POLR2F: variants seen among roughly 807,000 people sequenced by gnomAD.
POLR2F encodes the protein RNA polymerase II, I and III subunit F, also known as DNA-directed RNA polymerases I, II, and III subunit RPABC2.
A neutral mutation model predicts 22.7 loss-of-function variants in POLR2F; 12 were observed. The observed-to-expected ratio is 0.53, with a 90% CI of 0.34 to 0.86. POLR2F has a LOEUF of 0.86. POLR2F is among the 40% of genes least tolerant of loss of function. The pLI, the probability that POLR2F is intolerant of heterozygous loss-of-function variation, is 0.02. For missense variants in POLR2F, 126 were observed against 171.5 expected, an observed-to-expected ratio of 0.73 and a Z score of 1.48; for synonymous variants, 57 against 66.0, an observed-to-expected ratio of 0.86 and a Z score of 0.66.
At chr22:38,027,583 G>A (rs1282826990), downstream of POLR2F, among the ~76,000 whole-genome samples, 2 of 152,124 alleles carry the variant, frequency 1.3e-5, no homozygotes, top group African/African-American at 4.8e-5. Flanking sequence ...TGTGGGGCCT[G>A]TCACAGCTCC....
At chr22:37,973,502 C>T (rs778694073), downstream of POLR2F, 16 of 1,594,284 alleles carry the variant, frequency 1.0e-5, no homozygotes, top group Middle Eastern at 2.2e-4. Context: ...CCTTTAGGGC[C>T]GGGACAGTGT....
chr22:37,981,978 TCCTCCTGCACCTTCTACCACTCTAAG>T (rs1307159222), upstream of POLR2F, among the ~76,000 whole-genome samples: 4 of 152,098 alleles, frequency 2.6e-5, no homozygotes, highest in African/African-American at 9.7e-5. Context: ...CTCTTGGAGA[TCCTCCTGCACCTTCTACCACTCTAAG>T]CCTCTAGACC....
intron 1 of POLR2F, among the ~76,000 whole-genome samples, chr22:38,013,897 C>T (rs961775341): frequency 2.3e-4 from 35 of 151,734 alleles, no homozygotes; most frequent in Non-Finnish European, 1.8e-4. Flanking sequence ...CTGAGGCGGG[C>T]GGATCACCTG....
chr22:37,955,043 G>T (rs1241989389), intron 1 of POLR2F, among the ~76,000 whole-genome samples: 1 of 152,060 alleles, frequency 6.6e-6, no homozygotes. Flanking sequence ...CTTGGAAAGT[G>T]GTTTTGATGG....
chr22:37,986,059 T>A, upstream of POLR2F: 3 of 1,426,802 alleles, frequency 2.1e-6, no homozygotes, highest in Non-Finnish European at 1.8e-6. This position sits in a 1 kb window ranked among gnomAD's most constrained non-coding sequence, Gnocchi z 4.7. Context: ...AGACTCTTGT[T>A]CGGGGCCTTG....
In POLR2F at chr22:37,967,863, T is replaced by C; in HGVS notation, c.*148T>C. 1 of 1,415,618 alleles carries C rather than the reference T, an allele frequency of 7.1e-7. No individual in the cohort carries two copies. Among genetic ancestry groups the C allele is most frequent in the Non-Finnish European group, 9.2e-7 (1 of 1,088,408 alleles). 87.7% of individuals were successfully genotyped at this position (1,415,618 alleles called of 1,614,324 possible). Reference sequence around the variant, plus strand: ...TGTTGCTTCCCCGTTACCGCCATGCTGCGTGGAGCATGCACCTATTCCAGT... The same window carrying C: ...TGTTGCTTCCCCGTTACCGCCATGCCGCGTGGAGCATGCACCTATTCCAGT... On this transcript the variant is annotated 3_prime_UTR_variant, in exon 5 of 5. Coordinates refer to ENST00000442738, the MANE Select transcript of POLR2F (RefSeq NM_021974.5).
At chr22:38,014,529 T>C (rs536229575) in intron 1 of POLR2F, among the ~76,000 whole-genome samples, 1 of 151,030 alleles carries the variant, frequency 6.6e-6, no homozygotes, top group African/African-American at 2.4e-5. Flanking sequence ...TTTTTTTTTT[T>C]TTTGAGACGG....
In POLR2F at chr22:37,976,105, C is replaced by G. The variant is rs180806168; in HGVS notation, c.293+8935C>G. The stretch of plus-strand genomic sequence containing the variant: ...GGGTGTGGTGGCGTGCATCTGTAAT[C>G]CCAGCTACTTAGGAGGCTGAGGCAC... On this transcript the variant is annotated intron_variant, in intron 4 of 4. Coordinates refer to the POLR2F transcript ENST00000405557. Among the ~76,000 whole-genome samples the G allele has an allele frequency of 4.0e-4, 61 of 152,198 alleles. No individual in the cohort carries two copies. The East Asian group carries it at 9.3e-3, about 23-fold the overall frequency.
chr22:37,970,856 C>G, downstream of POLR2F: 1 of 217,382 alleles, frequency 4.6e-6, no homozygotes, highest in East Asian at 1.1e-4. Context: ...CTGCTTTTAT[C>G]TAAAACAAAA....
Position 37,959,410 on chromosome 22 carries a change from TCAC to T in POLR2F, c.159_161del (p.Thr54del). ...CGACCGCAGGCCAACCAGAAGCGAATCACCACACCATACATGACCAAGTACGAG... is the reference window on the plus strand; with the variant it reads ...CGACCGCAGGCCAACCAGAAGCGAATCACACCATACATGACCAAGTACGAG... On this transcript the variant is annotated inframe_deletion, in exon 3 of 5. Coordinates refer to ENST00000442738, the MANE Select transcript of POLR2F (RefSeq NM_021974.5). The T allele has an allele frequency of 2.5e-6, 4 of 1,614,128 alleles. No homozygotes were observed. The highest frequency in any genetic ancestry group is 3.4e-6 in the Non-Finnish European group (4 of 1,180,008).
At chr22:37,987,074 C>T in intron 1 of POLR2F, 1 of 456,716 alleles carries the variant, frequency 2.2e-6, no homozygotes, top group South Asian at 1.5e-5. Context: ...CCCATCACCT[C>T]TCTGTCCTGA....
chr22:38,007,083 G>A (rs2084828178), intron 1 of POLR2F, among the ~76,000 whole-genome samples: 1 of 152,174 alleles, frequency 6.6e-6, no homozygotes, highest in Admixed American at 6.5e-5. Flanking sequence ...TGTGGCTAAG[G>A]TTGCCTGTGG....
chr22:38,001,634 G>A (rs888698653), intron 1 of POLR2F, among the ~76,000 whole-genome samples: 56 of 152,122 alleles, frequency 3.7e-4, no homozygotes, highest in African/African-American at 1.3e-3. Flanking sequence ...CCAGGTTCAA[G>A]CGATTCTCCT....
intron 1 of POLR2F, among the ~76,000 whole-genome samples, chr22:38,013,653 T>C (rs1020705363): frequency 2.0e-5 from 3 of 152,202 alleles, no homozygotes; most frequent in African/African-American, 7.2e-5. Context: ...AAAAACACCA[T>C]TACACAAAGT....
chr22:38,010,602 G>GGT (rs1382349551), intron 1 of POLR2F, among the ~76,000 whole-genome samples: 55 of 60,896 alleles, frequency 9.0e-4, no homozygotes, highest in African/African-American at 3.6e-3. Context: ...AATTCCTTGT[G>GGT]TTTTTTTTTT....
At chr22:37,953,698 T>A, upstream of POLR2F, 1 of 1,496,386 alleles carries the variant, frequency 6.7e-7, no homozygotes, top group East Asian at 2.3e-5. Flanking sequence ...AGGCGCAAGA[T>A]AAGCTAGGAG....
chr22:37,967,157 A>G lies in POLR2F; in HGVS notation c.280A>G (p.Met94Val), dbSNP rs1428654740. 1 of 1,613,580 alleles carries G rather than the reference A, an allele frequency of 6.2e-7. No individual in the cohort carries two copies. Among genetic ancestry groups the G allele is most frequent in the South Asian group, 1.1e-5 (1 of 91,052 alleles). ...EGETDPLLIA[M>V]KELKARKIPI... ...GGAGACAGATCCTCTGCTCATTGCCATGAAGGAACTCAAGTAAGTCACTCA... is the reference window on the plus strand; with the variant it reads ...GGAGACAGATCCTCTGCTCATTGCCGTGAAGGAACTCAAGTAAGTCACTCA... Residue 94 changes from methionine (M) to valine (V), a missense_variant, in exon 4 of 5, where the codon ATG (methionine) becomes GTG (valine). By Grantham distance (21) the Met-to-Val change is conservative (BLOSUM62 1). Transcript: ENST00000442738.
chr22:37,971,072 C>T, downstream of POLR2F: 1 of 359,432 alleles, frequency 2.8e-6, no homozygotes, highest in East Asian at 7.6e-5. Context: ...CTCCCCTGGT[C>T]CTGACTAGGG....
chr22:37,997,372 G>A lies in POLR2F; in HGVS notation c.120+11060G>A, dbSNP rs2084725288. ...CCACATCCCACAGTTGGTCGCTCCT[G>A]CCTCTTGGTGTCCTTCTTGTCCTGG... On this transcript the variant is annotated intron_variant, in intron 1 of 2. Coordinates refer to the POLR2F transcript ENST00000333418. This position sits in a 1 kb window ranked among gnomAD's most constrained non-coding sequence, Gnocchi z 4.4. Among the ~76,000 whole-genome samples the A allele has an allele frequency of 6.6e-6, 1 of 152,014 alleles. No individual in the cohort carries two copies.
Sources: allele counts gnomAD v4.1 joint callset (sites outside exome capture counted in the v4.1 genomes callset), GRCh38; gene constraint gnomAD v4.1.1; non-coding constraint Gnocchi (gnomAD v3.1); transcripts MANE v1.5; gene names NCBI Gene and HGNC (gene_info 2026-07-23, HGNC 2026-07-21).